ASCC3: variants seen among roughly 807,000 people sequenced by gnomAD.
ASCC3 encodes the protein ASC-1 complex subunit P200.
A neutral mutation model predicts 256.3 loss-of-function variants in ASCC3; 158 were observed. The observed-to-expected ratio is 0.62, with a 90% CI of 0.54 to 0.70. The LOEUF is 0.70. Ranked by LOEUF, ASCC3 falls within the 30% of genes least tolerant of loss-of-function variation. The pLI is 0.00. For missense variants in ASCC3, 2,259 were observed against 2,626.0 expected, an observed-to-expected ratio of 0.86 and a Z score of 3.05; for synonymous variants, 948 against 883.4, an observed-to-expected ratio of 1.07 and a Z score of -1.30.
At chr6:100,624,298 T>C (rs999160492) in intron 30 of ASCC3, among the ~76,000 whole-genome samples, 22 of 151,288 alleles carry the variant, frequency 1.5e-4, no homozygotes, top group African/African-American at 5.3e-4. Context: ...CACACAAATC[T>C]ACAAAATAAA....
At chr6:100,872,189 T>A (rs570913490) in intron 1 of ASCC3, among the ~76,000 whole-genome samples, 1 of 152,082 alleles carries the variant, frequency 6.6e-6, no homozygotes, top group Non-Finnish European at 1.5e-5. Context: ...TCTGGCATGG[T>A]CTTACAAATT....
chr6:100,596,092 T>C (rs1004710847), intron 34 of ASCC3, among the ~76,000 whole-genome samples: 2 of 152,182 alleles, frequency 1.3e-5, no homozygotes, highest in African/African-American at 4.8e-5. Context: ...CCTTTCGTTT[T>C]GATTTCATCT....
chr6:100,859,259 C>T, intron 3 of ASCC3: 1 of 778,256 alleles, frequency 1.3e-6, no homozygotes, highest in South Asian at 1.3e-5. Flanking sequence ...TTTCTGCTTC[C>T]ACATCTTGGC....
chr6:100,672,924 TA>T (rs1776823678), intron 14 of ASCC3, among the ~76,000 whole-genome samples: 1 of 152,006 alleles, frequency 6.6e-6, no homozygotes, highest in Non-Finnish European at 1.5e-5. Flanking sequence ...TTACACCGAG[TA>T]AATATTTGCT....
intron 10 of ASCC3, among the ~76,000 whole-genome samples, chr6:100,749,268 G>T (rs755657967): frequency 6.6e-6 from 1 of 151,992 alleles, no homozygotes; most frequent in Non-Finnish European, 1.5e-5. Context: ...ATACTCTGCA[G>T]CTATCAAATG....
chr6:100,587,192 C>T (rs1396908138), intron 36 of ASCC3, among the ~76,000 whole-genome samples: 2 of 152,034 alleles, frequency 1.3e-5, no homozygotes, highest in African/African-American at 4.8e-5. Context: ...TTCTGTCTGA[C>T]TACACTTTCT....
At chr6:100,523,559 T>C (rs1774410862) in intron 37 of ASCC3, among the ~76,000 whole-genome samples, 2 of 152,302 alleles carry the variant, frequency 1.3e-5, no homozygotes, top group African/African-American at 4.8e-5. Context: ...GGGCAGTCTC[T>C]GTAAGGAAAT....
chr6:100,508,290 A>G lies in ASCC3; in HGVS notation c.*1096T>C, dbSNP rs1459696480. The G allele has an allele frequency of 6.6e-6, 1 of 152,232 alleles. No homozygotes were observed. Among genetic ancestry groups the G allele is most frequent in the African/African-American group, 2.4e-5 (1 of 41,466 alleles). 9.4% of individuals were successfully genotyped at this position (152,232 alleles called of 1,614,324 possible). A position where few individuals can be genotyped will look rare whatever the true frequency, so the allele number is the denominator to read the frequency against. Reference sequence around the variant, plus strand: ...CACTTAAATTCTAGTATTTGTAACAATGACATTGGAAAATGTTTTAAAATA... The same window carrying G: ...CACTTAAATTCTAGTATTTGTAACAGTGACATTGGAAAATGTTTTAAAATA... On this transcript the variant is annotated 3_prime_UTR_variant, in exon 42 of 42. Transcript: ENST00000369162.
chr6:100,742,735 G>A lies in ASCC3; in HGVS notation c.1738-17032C>T, dbSNP rs149745242. ...TCTCCAAAGCTGGCAGGCTGGAGTG[G>A]CTGAGTTGACCAAACTGCAGAGAAG... On this transcript the variant is annotated intron_variant, in intron 10 of 41. Coordinates refer to ENST00000369162, the MANE Select transcript of ASCC3 (RefSeq NM_006828.4). Among the ~76,000 whole-genome samples the A allele has an allele frequency of 8.6e-3, 1,307 of 152,312 alleles. 17 individuals carry two copies. Among genetic ancestry groups the A allele is most frequent in the Non-Finnish European group, 0.011 (736 of 68,008 alleles).
At chr6:100,787,697 T>C (rs1769158101) in intron 8 of ASCC3, among the ~76,000 whole-genome samples, 1 of 152,042 alleles carries the variant, frequency 6.6e-6, no homozygotes, top group Non-Finnish European at 1.5e-5. Flanking sequence ...TTAACAAACG[T>C]TTAACAAACA....
intron 16 of ASCC3, among the ~76,000 whole-genome samples, chr6:100,661,370 T>C (rs1776194602): frequency 1.1e-5 from 1 of 91,324 alleles, no homozygotes; most frequent in African/African-American, 3.2e-5. Context: ...AAACAAATGA[T>C]CATAATCTAG....
intron 10 of ASCC3, among the ~76,000 whole-genome samples, chr6:100,737,564 C>A (rs1247228487): frequency 2.0e-5 from 3 of 152,144 alleles, no homozygotes; most frequent in Non-Finnish European, 2.9e-5. Context: ...TGATCTCATT[C>A]CTTTTTATGG....
chr6:100,721,385 C>T (rs1779323449), intron 11 of ASCC3, among the ~76,000 whole-genome samples: 1 of 151,670 alleles, frequency 6.6e-6, no homozygotes, highest in South Asian at 2.1e-4. Flanking sequence ...AGTTAAGTAT[C>T]AGGACATAAA....
chr6:100,688,002 GA>G (rs200232752), intron 13 of ASCC3, among the ~76,000 whole-genome samples: 82 of 140,916 alleles, frequency 5.8e-4, no homozygotes, highest in East Asian at 5.1e-3. Context: ...TCAAGGCTCA[GA>G]AAAAAAAAAA....
chr6:100,575,672 C>T (rs966465814), intron 36 of ASCC3, among the ~76,000 whole-genome samples: 15 of 152,020 alleles, frequency 9.9e-5, no homozygotes, highest in Admixed American at 6.6e-4. Flanking sequence ...AATAAAATCT[C>T]ATTTCATGTT....
intron 37 of ASCC3, chr6:100,530,370 C>T (rs1419892831): frequency 7.9e-7 from 1 of 1,259,906 alleles, no homozygotes; most frequent in Non-Finnish European, 1.2e-6. Flanking sequence ...TTGTCTATCT[C>T]AAAATGACTG....
chr6:100,846,619 T>C (rs1244138226), intron 4 of ASCC3, among the ~76,000 whole-genome samples: 2 of 152,160 alleles, frequency 1.3e-5, no homozygotes, highest in Non-Finnish European at 2.9e-5. Flanking sequence ...CACTCCACCT[T>C]TGCATCTTGC....
chr6:100,846,101 T>C (rs1053252349), intron 4 of ASCC3, among the ~76,000 whole-genome samples: 2 of 151,430 alleles, frequency 1.3e-5, no homozygotes, highest in African/African-American at 4.9e-5. Context: ...TTATCCTCTT[T>C]CCAGGCTTAA....
chr6:100,623,808 G>T (rs1774088371), intron 30 of ASCC3, among the ~76,000 whole-genome samples: 1 of 152,026 alleles, frequency 6.6e-6, no homozygotes, highest in Non-Finnish European at 1.5e-5. Flanking sequence ...GTAGTATAAA[G>T]AATCATAAAG....
Sources: allele counts gnomAD v4.1 joint callset (sites outside exome capture counted in the v4.1 genomes callset), GRCh38; gene constraint gnomAD v4.1.1; transcripts MANE v1.5; gene names NCBI Gene and HGNC (gene_info 2026-07-23, HGNC 2026-07-21).